SDK1: variants seen among roughly 807,000 people sequenced by gnomAD.
SDK1 encodes the protein protein sidekick-1.
SDK1 carries 157 observed loss-of-function variants against 245.5 expected under a neutral mutation model. That is an observed-to-expected ratio of 0.64 (90% confidence interval 0.56 to 0.73). The LOEUF (loss-of-function observed/expected upper bound fraction) is 0.73. Among genes scored for constraint, SDK1 ranks in the 30% least tolerant of loss-of-function variants. The pLI is 0.00. For missense variants in SDK1, 3,583 were observed against 3,002.3 expected (o/e 1.19, Z -4.52); for synonymous variants, 1,647 against 1,278.5 (o/e 1.29, Z -6.15).
intron 4 of SDK1, among the ~76,000 whole-genome samples, chr7:3,771,630 C>A (rs1780407889): frequency 1.3e-5 from 2 of 152,252 alleles, no homozygotes; most frequent in Admixed American, 1.3e-4. Flanking sequence ...AAAGAATATG[C>A]TTTGTCTTCT....
intron 8 of SDK1, among the ~76,000 whole-genome samples, chr7:3,961,396 T>G (rs1781670770): frequency 6.6e-6 from 1 of 152,240 alleles, no homozygotes; most frequent in South Asian, 2.1e-4. Context: ...TAACTTTATT[T>G]ATTAAAGTCG....
intron 22 of SDK1, among the ~76,000 whole-genome samples, chr7:4,088,654 G>A (rs192990383): frequency 2.4e-3 from 371 of 152,088 alleles, no homozygotes; most frequent in Non-Finnish European, 3.1e-3. Context: ...CTGTTGGTAA[G>A]GTGGTTCACA....
chr7:3,488,923 G>T (rs1781784910), intron 1 of SDK1, among the ~76,000 whole-genome samples: 1 of 151,938 alleles, frequency 6.6e-6, no homozygotes, highest in African/African-American at 2.4e-5. Flanking sequence ...GTGTGTGTGT[G>T]TGTGTGTGTG....
chr7:3,532,268 T>G (rs1370301018), intron 1 of SDK1, among the ~76,000 whole-genome samples: 1 of 152,224 alleles, frequency 6.6e-6, no homozygotes, highest in Non-Finnish European at 1.5e-5. Flanking sequence ...AATTGTTGTT[T>G]CTGGTAAGCC....
intron 1 of SDK1, among the ~76,000 whole-genome samples, chr7:3,552,853 G>C (rs937252511): frequency 6.6e-6 from 1 of 152,212 alleles, no homozygotes; most frequent in Non-Finnish European, 1.5e-5. Context: ...GAAGTGGAAG[G>C]TAAGTTGGGA....
chr7:3,758,523 C>T (rs560142908), intron 4 of SDK1, among the ~76,000 whole-genome samples: 1 of 152,012 alleles, frequency 6.6e-6, no homozygotes, highest in Admixed American at 6.5e-5. Flanking sequence ...ATTTTTGTAC[C>T]AACCTAATAG....
intron 32 of SDK1, among the ~76,000 whole-genome samples, chr7:4,168,797 C>G (rs1204191576): frequency 6.6e-6 from 1 of 152,168 alleles, no homozygotes; most frequent in Non-Finnish European, 1.5e-5. Context: ...TACAGAGCCC[C>G]TGCTGTAAGC....
chr7:3,853,983 G>C (rs1050689798), intron 5 of SDK1, among the ~76,000 whole-genome samples: 1 of 151,910 alleles, frequency 6.6e-6, no homozygotes, highest in Non-Finnish European at 1.5e-5. Context: ...GCAAGACTCC[G>C]TCTCAAAAAA....
At chr7:3,991,255 C>T (rs1191852951) in intron 14 of SDK1, among the ~76,000 whole-genome samples, 5 of 152,118 alleles carry the variant, frequency 3.3e-5, no homozygotes, top group African/African-American at 7.2e-5. Context: ...AACAACTGCC[C>T]GTGAGATGGG....
At position 3,301,644 on chromosome 7, in the gene SDK1, C is replaced by T; in HGVS notation, c.58C>T (p.Pro20Ser). The T allele has an allele frequency of 3.1e-6, 3 of 977,128 alleles. No homozygotes were observed. Among genetic ancestry groups the T allele is most frequent in the Non-Finnish European group, 3.6e-6 (3 of 826,466 alleles). 60.5% of individuals were successfully genotyped at this position (977,128 alleles called of 1,614,324 possible). Residue 20 changes from proline to serine, a missense_variant, in exon 1 of 45, where the codon CCT becomes TCT. Transcript: ENST00000404826. The part of the protein sequence containing the change: ...AGGGGGGAEP[P>S]ERAGPGRPRG... ...TGGCGGCGGCGGCGGCGCGGAGCCC[C>T]CTGAGCGCGCGGGCCCCGGGCGGCC...
At chr7:3,518,971 A>G (rs371778036) in intron 1 of SDK1, among the ~76,000 whole-genome samples, 2 of 152,178 alleles carry the variant, frequency 1.3e-5, no homozygotes, top group African/African-American at 4.8e-5. Context: ...CCATAAAAAA[A>G]AAAAGGAAGT....
rs186068578 is a variant in SDK1 at position 3,534,168 on chromosome 7, A to G, written c.299-84912A>G. On this transcript the variant is annotated intron_variant, in intron 1 of 44. Coordinates refer to ENST00000404826, the MANE Select transcript of SDK1 (RefSeq NM_152744.4). ...CATGCAGTATTTGTTCTCTTTGACCAGGTTATTTATCTCCCTGAGCATAAG... is the reference window on the plus strand; with the variant it reads ...CATGCAGTATTTGTTCTCTTTGACCGGGTTATTTATCTCCCTGAGCATAAG... 5.7e-3 allele frequency among the ~76,000 whole-genome samples: 875 copies of G among 152,322 alleles called. 4 individuals are homozygous for G. The highest frequency in any genetic ancestry group is 8.5e-3 in the Non-Finnish European group (581 of 68,026).
At chr7:3,632,298 C>T (rs1782318573) in intron 2 of SDK1, among the ~76,000 whole-genome samples, 1 of 152,072 alleles carries the variant, frequency 6.6e-6, no homozygotes, top group African/African-American at 2.4e-5. Flanking sequence ...ATGCATAATC[C>T]CCAAAGCATT....
chr7:3,649,891 G>C (rs958367218), intron 4 of SDK1, among the ~76,000 whole-genome samples: 5 of 152,034 alleles, frequency 3.3e-5, no homozygotes, highest in Non-Finnish European at 7.4e-5. Flanking sequence ...AAACAGAAAA[G>C]AGCTTGATGT....
rs1190873236 is a variant in SDK1, at chr7:4,205,869, C to G, written c.5099-10C>G. 1.9e-6 allele frequency: 3 copies of G among 1,550,348 alleles called. No individual in the cohort carries two copies. The African/African-American group carries it at 4.1e-5, about 21-fold the overall frequency. On this transcript the variant is annotated splice_polypyrimidine_tract_variant and intron_variant, in intron 35 of 44. Coordinates refer to ENST00000404826, the MANE Select transcript of SDK1 (RefSeq NM_152744.4). ...CGTCTCAGCTTCTCTCCGCATTGCT[C>G]TTTCCTCAGCCCCGGCCATGGCCCC...
chr7:3,553,152 T>G (rs1309405319), intron 1 of SDK1, among the ~76,000 whole-genome samples: 1 of 152,162 alleles, frequency 6.6e-6, no homozygotes, highest in Non-Finnish European at 1.5e-5. Context: ...TTGCCTTATA[T>G]TGTACAACAA....
At chr7:3,756,491 G>A (rs1779936952) in intron 4 of SDK1, among the ~76,000 whole-genome samples, 1 of 151,928 alleles carries the variant, frequency 6.6e-6, no homozygotes, top group South Asian at 2.1e-4. Context: ...CCTTTCACAT[G>A]GCATTGTGCG....
rs566237557 is a variant in SDK1 at position 3,379,867 on chromosome 7, C to T, written c.298+77983C>T. The stretch of plus-strand genomic sequence containing the variant: ...GTGCTCATTGGAGCATTTCAGATTT[C>T]GTATTTTTCTATTTGGGATGCTCAG... On this transcript the variant is annotated intron_variant, in intron 1 of 44. Coordinates refer to ENST00000404826, the MANE Select transcript of SDK1 (RefSeq NM_152744.4). Among the ~76,000 whole-genome samples, 14 of 152,224 alleles carry T rather than the reference C, an allele frequency of 9.2e-5. No homozygotes were observed. In the East Asian group the frequency reaches 9.7e-4, roughly 11 times the overall value.
At chr7:3,759,182 T>C (rs1375851353) in intron 4 of SDK1, among the ~76,000 whole-genome samples, 2 of 152,220 alleles carry the variant, frequency 1.3e-5, no homozygotes, top group African/African-American at 4.8e-5. Flanking sequence ...GTCAAATCAC[T>C]GTTTCCCAAG....
Sources: allele counts gnomAD v4.1 joint callset (sites outside exome capture counted in the v4.1 genomes callset), GRCh38; gene constraint gnomAD v4.1.1; transcripts MANE v1.5; gene names NCBI Gene and HGNC (gene_info 2026-07-23, HGNC 2026-07-21).